GRM8: variants seen among roughly 807,000 people sequenced by gnomAD.
GRM8 encodes metabotropic glutamate receptor 8.
A neutral mutation model predicts 87.2 loss-of-function variants in GRM8; 47 were observed. That is an observed-to-expected ratio of 0.54 (90% confidence interval 0.43 to 0.69). GRM8 has a LOEUF of 0.69. GRM8 is among the 30% of genes least tolerant of loss of function. The pLI is 0.00. For synonymous variants in GRM8, 396 were observed against 404.5 expected (o/e 0.98, Z 0.25); for missense variants, 1,019 against 1,139.2 (o/e 0.89, Z 1.52).
chr7:126,508,994 CA>C (rs1414778207), intron 9 of GRM8, among the ~76,000 whole-genome samples: 2 of 152,056 alleles, frequency 1.3e-5, no homozygotes, highest in African/African-American at 4.8e-5. Flanking sequence ...AGGTGATTTA[CA>C]AAAAGGTTGT....
chr7:126,590,474 C>A (rs1000742375), intron 8 of GRM8, among the ~76,000 whole-genome samples: 1 of 152,034 alleles, frequency 6.6e-6, no homozygotes, highest in Non-Finnish European at 1.5e-5. Flanking sequence ...AGGAAAACTT[C>A]CCCAGTCTTG....
chr7:127,073,793 C>T (rs1189878422), intron 3 of GRM8, among the ~76,000 whole-genome samples: 1 of 152,128 alleles, frequency 6.6e-6, no homozygotes, highest in Non-Finnish European at 1.5e-5. Context: ...AGATTGCAAC[C>T]AGCTTTTTTC....
chr7:126,638,913 C>T (rs1447844038), intron 7 of GRM8, among the ~76,000 whole-genome samples: 1 of 152,146 alleles, frequency 6.6e-6, no homozygotes, highest in African/African-American at 2.4e-5. Context: ...CTTCTGGGCA[C>T]CCCACTGCCA....
At chr7:126,850,549 T>C (rs1256090984) in intron 6 of GRM8, among the ~76,000 whole-genome samples, 1 of 152,190 alleles carries the variant, frequency 6.6e-6, no homozygotes, top group Non-Finnish European at 1.5e-5. Flanking sequence ...TTACAAGGTT[T>C]AGGATTTGGT....
chr7:126,571,220 G>A (rs1794662249), intron 8 of GRM8, among the ~76,000 whole-genome samples: 1 of 152,088 alleles, frequency 6.6e-6, no homozygotes, highest in East Asian at 1.9e-4. Context: ...GAAATATAAA[G>A]TAGAAGTCCA....
chr7:126,960,285 C>A (rs934273172), intron 3 of GRM8, among the ~76,000 whole-genome samples: 6 of 152,128 alleles, frequency 3.9e-5, no homozygotes, highest in African/African-American at 1.4e-4. Flanking sequence ...AAATGAAAAC[C>A]AATTTACTAA....
At chr7:127,248,447 A>G (rs965506501) in intron 1 of GRM8, among the ~76,000 whole-genome samples, 5 of 152,200 alleles carry the variant, frequency 3.3e-5, no homozygotes, top group African/African-American at 1.2e-4. Context: ...GCTGGATCTC[A>G]AACTAACCCT....
intron 7 of GRM8, among the ~76,000 whole-genome samples, chr7:126,741,836 G>A (rs2151512053): frequency 6.6e-6 from 1 of 152,202 alleles, no homozygotes; most frequent in African/African-American, 2.4e-5. Flanking sequence ...TCCCAATGCT[G>A]TCACCTACTT....
At chr7:126,514,349 T>C (rs951016227) in intron 9 of GRM8, among the ~76,000 whole-genome samples, 1 of 152,130 alleles carries the variant, frequency 6.6e-6, no homozygotes, top group African/African-American at 2.4e-5. Context: ...AATGAAGCAG[T>C]GGGTATGGCT....
intron 9 of GRM8, among the ~76,000 whole-genome samples, chr7:126,465,505 G>A (rs1008336409): frequency 2.0e-5 from 3 of 151,084 alleles, no homozygotes; most frequent in African/African-American, 4.9e-5. Flanking sequence ...TCTTTAATTC[G>A]TTTCTCTACT....
intron 6 of GRM8, among the ~76,000 whole-genome samples, chr7:126,811,905 G>T (rs1417185333): frequency 6.6e-6 from 1 of 151,864 alleles, no homozygotes; most frequent in East Asian, 1.9e-4. Context: ...TATTGAATAG[G>T]AGTGGTGAAA....
chr7:127,222,514 T>C (rs1041936020), intron 2 of GRM8, among the ~76,000 whole-genome samples: 3 of 152,198 alleles, frequency 2.0e-5, no homozygotes, highest in Admixed American at 2.0e-4. Context: ...TGTTCTTATC[T>C]GGATACAAAA....
At chr7:127,100,866 T>C (rs761155441) in intron 3 of GRM8, among the ~76,000 whole-genome samples, 2 of 152,184 alleles carry the variant, frequency 1.3e-5, no homozygotes, top group Admixed American at 1.3e-4. Context: ...CTTCTCCCCA[T>C]GAGTCCATCC....
chr7:127,093,254 C>G (rs748241351), intron 3 of GRM8, among the ~76,000 whole-genome samples: 2 of 152,152 alleles, frequency 1.3e-5, no homozygotes, highest in Admixed American at 6.5e-5. Flanking sequence ...GGAAACTGCA[C>G]AAGGACTGGA....
At chr7:126,512,710 C>T (rs1811574142) in intron 9 of GRM8, 1 of 152,142 alleles carries the variant, frequency 6.6e-6, no homozygotes. Context: ...TTTATCCTGA[C>T]CATCCAAACC....
intron 8 of GRM8, among the ~76,000 whole-genome samples, chr7:126,585,512 G>A (rs7804379): frequency 0.31 from 46,989 of 151,894 alleles, 8,142 homozygotes; most frequent in East Asian, 0.44. Flanking sequence ...TTAGTTGCCT[G>A]AGTTTAAAAA....
chr7:126,932,605 A>G (rs1404667393), intron 3 of GRM8, among the ~76,000 whole-genome samples: 1 of 152,200 alleles, frequency 6.6e-6, no homozygotes, highest in Non-Finnish European at 1.5e-5. Flanking sequence ...ATATTATTGC[A>G]TTCAAAGGGT....
At chr7:127,188,701 G>C (rs1794866144) in intron 2 of GRM8, among the ~76,000 whole-genome samples, 1 of 152,156 alleles carries the variant, frequency 6.6e-6, no homozygotes, top group Non-Finnish European at 1.5e-5. Flanking sequence ...GCCTGGTATA[G>C]TGCTTATCAA....
chr7:126,609,640 C>A, intron 7 of GRM8, 142 bp from the exon 8 acceptor site: 1 of 626,752 alleles, frequency 1.6e-6, no homozygotes, highest in Non-Finnish European at 2.7e-6. Flanking sequence ...CAAGGTCATT[C>A]TTGATAGCAT....
Sources: gnomAD v4.1 joint callset for allele counts (sites outside exome capture counted in the v4.1 genomes callset) on GRCh38, gnomAD v4.1.1 for gene constraint, MANE v1.5 for transcripts, NCBI Gene and HGNC (gene_info 2026-07-23, HGNC 2026-07-21) for gene names.